The following FBXL7 variants were observed in gnomAD, a reference collection of about 807,000 sequenced individuals.
The protein encoded by FBXL7 is F-box/LRR-repeat protein 7.
A neutral mutation model predicts 38.3 loss-of-function variants in FBXL7; 12 were observed. That is an observed-to-expected ratio of 0.31 (90% CI 0.20 to 0.51). The LOEUF is 0.51. Among genes scored for constraint, FBXL7 ranks in the 20% least tolerant of loss-of-function variants. The pLI, the probability that FBXL7 is intolerant of heterozygous loss-of-function variation, is 0.98. For missense variants in FBXL7, 567 were observed against 676.4 expected (o/e 0.84, Z 1.79); for synonymous variants, 297 against 300.9 (o/e 0.99, Z 0.13).
At chr5:15,778,792 C>G (rs1376938940) in intron 2 of FBXL7, among the ~76,000 whole-genome samples, 2 of 152,044 alleles carry the variant, frequency 1.3e-5, no homozygotes, top group Non-Finnish European at 2.9e-5. Context: ...CAAAGCCATA[C>G]TTCCAGAAGC....
chr5:15,724,281 T>G (rs1298988092), intron 2 of FBXL7, among the ~76,000 whole-genome samples: 1 of 152,184 alleles, frequency 6.6e-6, no homozygotes, highest in African/African-American at 2.4e-5. Context: ...TCAAAATACT[T>G]TATATTTTTG....
In FBXL7 at chr5:15,927,791, G is replaced by GA. The variant is rs1411996194; in HGVS notation, c.128-97dup. 5.1e-3 allele frequency: 2,628 copies of GA among 517,198 alleles called. 29 individuals carry two copies. The East Asian group carries it at 0.065, about 13-fold the overall frequency. The allele number at this position is 517,198 out of a possible 1,614,324, so 32.0% of individuals were successfully genotyped here. ...AAAAAAAAAAAAAAAAAAAAAAGAA[G>GA]AAGAAAGAAAAGAAAAGAAAGAAAC... On this transcript the variant is annotated intron_variant, in intron 2 of 3. Coordinates refer to ENST00000504595, the MANE Select transcript of FBXL7 (RefSeq NM_012304.5).
intron 2 of FBXL7, among the ~76,000 whole-genome samples, chr5:15,754,333 A>C (rs1736234697): frequency 6.6e-6 from 1 of 152,154 alleles, no homozygotes; most frequent in Non-Finnish European, 1.5e-5. Flanking sequence ...GAATCAATAG[A>C]GTCATATGGT....
rs564859347 is a variant in FBXL7 at position 15,528,755 on chromosome 5, C to T, written c.37+28042C>T. On this transcript the variant is annotated intron_variant, in intron 1 of 3. Transcript: ENST00000504595. The stretch of plus-strand genomic sequence containing the variant: ...GACACAGCCAAACCATATCACATTC[C>T]TAACTGGAAATACTGAAGTCTGAAG... 7.2e-4 allele frequency among the ~76,000 whole-genome samples: 110 copies of T among 152,268 alleles called. 1 individual carries two copies. Among genetic ancestry groups the T allele is most frequent in the African/African-American group, 2.5e-3 (104 of 41,552 alleles).
intron 2 of FBXL7, among the ~76,000 whole-genome samples, chr5:15,741,198 G>A (rs1210550043): frequency 2.0e-5 from 3 of 152,118 alleles, no homozygotes; most frequent in Non-Finnish European, 2.9e-5. Flanking sequence ...GTCTAATCTT[G>A]TGTATTTTAT....
At chr5:15,661,697 C>T (rs1008697335) in intron 2 of FBXL7, among the ~76,000 whole-genome samples, 3 of 152,168 alleles carry the variant, frequency 2.0e-5, no homozygotes, top group Non-Finnish European at 2.9e-5. Context: ...CTCCCTCCTC[C>T]CAACCTTCAC....
intron 2 of FBXL7, among the ~76,000 whole-genome samples, chr5:15,724,738 A>G (rs1376550871): frequency 6.6e-6 from 1 of 152,200 alleles, no homozygotes; most frequent in Non-Finnish European, 1.5e-5. Flanking sequence ...ATGTTTTTAG[A>G]TGCTATTTAC....
intron 1 of FBXL7, among the ~76,000 whole-genome samples, chr5:15,557,347 T>C (rs1181900262): frequency 2.0e-5 from 3 of 152,208 alleles, no homozygotes; most frequent in Admixed American, 6.5e-5. Context: ...AATACAGAAG[T>C]GAGACTGTAA....
chr5:15,721,785 A>G (rs371961645), intron 2 of FBXL7, among the ~76,000 whole-genome samples: 2 of 151,772 alleles, frequency 1.3e-5, no homozygotes, highest in South Asian at 2.1e-4. Context: ...TTGCTATGAT[A>G]TTTTCCCAGG....
intron 2 of FBXL7, among the ~76,000 whole-genome samples, chr5:15,862,893 A>G (rs916047993): frequency 3.9e-5 from 6 of 152,188 alleles, no homozygotes; most frequent in African/African-American, 9.7e-5. Context: ...CATACTCCCT[A>G]TCCTATGCCA....
intron 1 of FBXL7, among the ~76,000 whole-genome samples, chr5:15,566,695 A>T (rs13184823): frequency 0.52 from 79,602 of 151,960 alleles, 21,371 homozygotes; most frequent in African/African-American, 0.63. Flanking sequence ...TACTAAAAGC[A>T]TTTGGAAAAG....
intron 2 of FBXL7, among the ~76,000 whole-genome samples, chr5:15,823,664 C>T (rs1314410081): frequency 6.6e-6 from 1 of 152,126 alleles, no homozygotes; most frequent in Non-Finnish European, 1.5e-5. Context: ...TCAGTTAACC[C>T]AGACCTGCCC....
At chr5:15,851,916 C>T (rs141869151) in intron 2 of FBXL7, among the ~76,000 whole-genome samples, 39 of 151,852 alleles carry the variant, frequency 2.6e-4, no homozygotes, top group Non-Finnish European at 4.9e-4. Context: ...GTGGCCTCCC[C>T]CTAAGGTAAC....
At chr5:15,678,094 C>A (rs1742721303) in intron 2 of FBXL7, among the ~76,000 whole-genome samples, 1 of 152,110 alleles carries the variant, frequency 6.6e-6, no homozygotes, top group Non-Finnish European at 1.5e-5. Flanking sequence ...CTGCTGAGGG[C>A]CCCTCTGAGT....
At chr5:15,696,547 T>G (rs1416181912) in intron 2 of FBXL7, among the ~76,000 whole-genome samples, 1 of 152,180 alleles carries the variant, frequency 6.6e-6, no homozygotes, top group Non-Finnish European at 1.5e-5. Context: ...AAACGAATTC[T>G]CCCATTATAA....
chr5:15,644,336 G>T (rs898304132), intron 2 of FBXL7, among the ~76,000 whole-genome samples: 3 of 150,040 alleles, frequency 2.0e-5, no homozygotes, highest in African/African-American at 7.4e-5. Context: ...AAGGCCAGGC[G>T]TGGTAGTGCA....
At chr5:15,543,860 T>C (rs1007340440) in intron 1 of FBXL7, among the ~76,000 whole-genome samples, 1 of 152,188 alleles carries the variant, frequency 6.6e-6, no homozygotes, top group African/African-American at 2.4e-5. Context: ...GAAATAAATG[T>C]CCTGTTCTGC....
chr5:15,730,880 A>C (rs1485173042), intron 2 of FBXL7, among the ~76,000 whole-genome samples: 1 of 152,218 alleles, frequency 6.6e-6, no homozygotes, highest in Non-Finnish European at 1.5e-5. Context: ...AACACCCCAT[A>C]ACCTTTAGTG....
chr5:15,640,301 C>T (rs1741317184), intron 2 of FBXL7, among the ~76,000 whole-genome samples: 1 of 152,092 alleles, frequency 6.6e-6, no homozygotes, highest in South Asian at 2.1e-4. Context: ...CCTTGGCATT[C>T]TTTGGCTTGC....
Sources: gnomAD v4.1 joint callset for allele counts (sites outside exome capture counted in the v4.1 genomes callset) on GRCh38, gnomAD v4.1.1 for gene constraint, MANE v1.5 for transcripts, NCBI Gene and HGNC (gene_info 2026-07-23, HGNC 2026-07-21) for gene names.